The following TTBK1 variants were observed in gnomAD, a reference collection of about 807,000 sequenced individuals.
The protein encoded by TTBK1 is tau tubulin kinase 1, also known as tau-tubulin kinase 1.
Under a neutral mutation model 108.5 loss-of-function variants are expected in TTBK1, and 34 were observed. That is an observed-to-expected ratio of 0.31 (90% CI 0.24 to 0.42). The LOEUF (loss-of-function observed/expected upper bound fraction) is 0.42. Ranked by LOEUF, TTBK1 falls within the 10% of genes least tolerant of loss-of-function variation. The pLI is 1.00. For missense variants in TTBK1, 1,539 were observed against 1,826.0 expected (o/e 0.84, Z 2.86); for synonymous variants, 809 against 795.1 (o/e 1.02, Z -0.29).
In TTBK1 at chr6:43,269,738, G is replaced by C. The variant is rs1777774104; in HGVS notation, c.1986+6388G>C. The C allele has an allele frequency of 6.2e-7, 1 of 1,608,232 alleles. No homozygotes were observed. Among genetic ancestry groups the C allele is most frequent in the South Asian group, 1.1e-5 (1 of 90,892 alleles). ...TGTTCTCCTCCTCCACGCTGGAGAC[G>C]GAGCATTACCCTCACCCCGGCGGCG... On this transcript the variant is annotated intron_variant, in intron 13 of 14. Transcript: ENST00000259750. The surrounding 1 kb of genome is among the most constrained non-coding windows in gnomAD (Gnocchi z 4.8).
chr6:43,273,806 T>G lies in TTBK1; in HGVS notation c.1987-8921T>G, dbSNP rs184812296. On this transcript the variant is annotated intron_variant, in intron 13 of 14. Coordinates refer to ENST00000259750, the MANE Select transcript of TTBK1 (RefSeq NM_032538.3). This position sits in a 1 kb window ranked among gnomAD's most constrained non-coding sequence, Gnocchi z 4.2. The stretch of plus-strand genomic sequence containing the variant: ...AATTTTAAAAAGAAAAATCACTGTA[T>G]GAACCAAACCAAAATGGTTTACAGG... Among the ~76,000 whole-genome samples the G allele has an allele frequency of 6.6e-6, 1 of 152,324 alleles. No individual in the cohort carries two copies. The highest frequency in any genetic ancestry group is 1.9e-4 in the East Asian group (1 of 5,188).
rs1778252084 is a variant in TTBK1, at chr6:43,283,504, C to T, written c.2764C>T (p.Pro922Ser). The T allele has an allele frequency of 6.2e-7, 1 of 1,614,158 alleles. No homozygotes were observed. Among genetic ancestry groups the T allele is most frequent in the Non-Finnish European group, 8.5e-7 (1 of 1,179,986 alleles). Residue 922 changes from proline to serine, a missense_variant, in exon 14 of 15, where the codon CCC (proline) becomes TCC (serine). Physicochemically the swap from Pro to Ser is moderately conservative, Grantham distance 74 (BLOSUM62 -1). Transcript: ENST00000259750. This position sits in a 1 kb window ranked among gnomAD's most constrained non-coding sequence, Gnocchi z 8.1. The part of the protein sequence containing the change: ...GVGGVAVTSS[P>S]FTKVERTFVH... ...CGGGGGCGTGGCAGTCACCTCCTCA[C>T]CCTTCACCAAAGTTGAGAGGACCTT...
chr6:43,276,872 T>A lies in TTBK1; in HGVS notation c.1987-5855T>A, dbSNP rs1778014098. ...CTGGGTGAGGAGGGCACCCCAGAGGTTTGGGCCTAGTTGGACTTGAGTCAC... is the reference window on the plus strand; with the variant it reads ...CTGGGTGAGGAGGGCACCCCAGAGGATTGGGCCTAGTTGGACTTGAGTCAC... On this transcript the variant is annotated intron_variant, in intron 13 of 14. Coordinates refer to ENST00000259750, the MANE Select transcript of TTBK1 (RefSeq NM_032538.3). This position sits in a 1 kb window ranked among gnomAD's most constrained non-coding sequence, Gnocchi z 5.4. Among the ~76,000 whole-genome samples the A allele has an allele frequency of 1.3e-5, 2 of 151,980 alleles. No individual in the cohort carries two copies. The highest frequency in any genetic ancestry group is 4.2e-4 in the South Asian group (2 of 4,808).
chr6:43,270,535 G>A, intron 13 of TTBK1: 2 of 986,128 alleles, frequency 2.0e-6, no homozygotes, highest in Non-Finnish European at 2.4e-6. Flanking sequence ...GTGATCGGGG[G>A]AGGAGCCCTG....
In TTBK1 at chr6:43,269,908, C is replaced by T; in HGVS notation, c.1986+6558C>T. On this transcript the variant is annotated intron_variant, in intron 13 of 14. Coordinates refer to ENST00000259750, the MANE Select transcript of TTBK1 (RefSeq NM_032538.3). This position sits in a 1 kb window ranked among gnomAD's most constrained non-coding sequence, Gnocchi z 4.8. ...CCCTCGGTGCTCCGCATCTCGCGGTCCCAGCTGCAGCAGGTGTGGGCCCGG... is the reference window on the plus strand; with the variant it reads ...CCCTCGGTGCTCCGCATCTCGCGGTTCCAGCTGCAGCAGGTGTGGGCCCGG... 6.6e-7 allele frequency: 1 copy of T among 1,505,964 alleles called. No individual in the cohort carries two copies. The highest frequency in any genetic ancestry group is 8.8e-7 in the Non-Finnish European group (1 of 1,130,218). 93.3% of individuals were successfully genotyped at this position (1,505,964 alleles called of 1,614,324 possible).
At chr6:43,249,679 C>G (rs1777187181) in intron 2 of TTBK1, among the ~76,000 whole-genome samples, 1 of 151,780 alleles carries the variant, frequency 6.6e-6, no homozygotes, top group African/African-American at 2.4e-5. Context: ...CAGATTCAAG[C>G]AATTCTTATG....
chr6:43,267,099 G>A (rs563144481), intron 13 of TTBK1, among the ~76,000 whole-genome samples: 1 of 150,566 alleles, frequency 6.6e-6, no homozygotes, highest in East Asian at 2.0e-4. Flanking sequence ...TGTGCCTGTG[G>A]CCATGTCAGT....
At chr6:43,270,694 C>G (rs1777808465) in intron 13 of TTBK1, 1 of 985,362 alleles carries the variant, frequency 1.0e-6, no homozygotes, top group African/African-American at 1.7e-5. Context: ...GGTGTCTGTC[C>G]TCGGCTCCTC....
At position 43,263,437 on chromosome 6, in the gene TTBK1, C is replaced by A; in HGVS notation, c.1986+87C>A. ...CTGGGGTGCTCCATGTGTGCTGGCA[C>A]TACTGACCAGTAAGCCAGCAGTCAC... is the stretch of plus-strand genomic sequence containing the variant. On this transcript the variant is annotated intron_variant, in intron 13 of 14. Coordinates refer to ENST00000259750, the MANE Select transcript of TTBK1 (RefSeq NM_032538.3). The surrounding 1 kb of genome is among the most constrained non-coding windows in gnomAD (Gnocchi z 4.7). 8.0e-7 allele frequency: 1 copy of A among 1,256,188 alleles called. No homozygotes were observed. Among genetic ancestry groups the A allele is most frequent in the Non-Finnish European group, 1.1e-6 (1 of 944,770 alleles). 77.8% of individuals were successfully genotyped at this position (1,256,188 alleles called of 1,614,324 possible).
intron 13 of TTBK1, among the ~76,000 whole-genome samples, chr6:43,278,339 G>A (rs1778064421): frequency 6.6e-6 from 1 of 152,168 alleles, no homozygotes; most frequent in Non-Finnish European, 1.5e-5. Flanking sequence ...AGTGCATGGA[G>A]GGGAGGGGCT....
rs1163041084 is a variant in TTBK1, at chr6:43,263,643, C to T, written c.1986+293C>T. 6.6e-6 allele frequency among the ~76,000 whole-genome samples: 1 copy of T among 152,112 alleles called. No homozygotes were observed. Among genetic ancestry groups the T allele is most frequent in the Non-Finnish European group, 1.5e-5 (1 of 68,012 alleles). Reference sequence around the variant, plus strand: ...CACGGGCACAGTGTTTTGCACAGGCCGGGAGGGGGCGATCTGAGAACACTG... The same window carrying T: ...CACGGGCACAGTGTTTTGCACAGGCTGGGAGGGGGCGATCTGAGAACACTG... On this transcript the variant is annotated intron_variant, in intron 13 of 14. Transcript: ENST00000259750. The surrounding 1 kb of genome is among the most constrained non-coding windows in gnomAD (Gnocchi z 4.7).
In TTBK1 at chr6:43,263,045, C is replaced by T. The variant is rs1291663254; in HGVS notation, c.1681C>T (p.Pro561Ser). 1 of 1,590,890 alleles carries T rather than the reference C, an allele frequency of 6.3e-7. No individual in the cohort carries two copies. The highest frequency in any genetic ancestry group is 8.6e-7 in the Non-Finnish European group (1 of 1,169,120). Residue 561 changes from proline to serine, a missense_variant, in exon 13 of 15, where the codon CCC (proline) becomes TCC (serine). Physicochemically the swap from Pro to Ser is moderately conservative, Grantham distance 74 (BLOSUM62 -1). Around this residue, in one of 5 missense-constraint regions of TTBK1, gnomAD observed 1,055 missense variants for 1,086.5 expected, o/e 0.97. Transcript: ENST00000259750. The surrounding 1 kb of genome is among the most constrained non-coding windows in gnomAD (Gnocchi z 4.7). ...ELKDFPPGAE[P>S]STSGTTDEEP... is the part of the protein sequence containing the mutation. ...CAAGGACTTCCCTCCAGGGGCTGAG[C>T]CCAGCACATCGGGCACCACGGATGA...
In TTBK1 at chr6:43,282,653, T is replaced by C; in HGVS notation, c.1987-74T>C. On this transcript the variant is annotated intron_variant, in intron 13 of 14. Coordinates refer to ENST00000259750, the MANE Select transcript of TTBK1 (RefSeq NM_032538.3). This position sits in a 1 kb window ranked among gnomAD's most constrained non-coding sequence, Gnocchi z 5.4. ...CTGGGCCTGTGAGTCTCCTAGGTTG[T>C]GGGTGCAGCTGAAGTCTTCCTGGGC... 7.8e-7 allele frequency: 1 copy of C among 1,285,802 alleles called. No homozygotes were observed. The highest frequency in any genetic ancestry group is 1.5e-5 in the African/African-American group (1 of 67,032). 79.6% of individuals were successfully genotyped at this position (1,285,802 alleles called of 1,614,324 possible).
rs774345522 is a variant in TTBK1, at chr6:43,257,892, C to T, written c.942C>T (p.Gly314=). ...AGGCCTTTGACTGGGAGAAGGCAGG[C>T]ACCGATGCCCTCCTGTCCACGAGCA... is the stretch of plus-strand genomic sequence containing the variant. ...ENEAFDWEKA[G]TDALLSTSTS... Residue 314 remains glycine, a synonymous_variant, in exon 10 of 15, where the codon GGC becomes GGT. Coordinates refer to ENST00000259750, the MANE Select transcript of TTBK1 (RefSeq NM_032538.3). The surrounding 1 kb of genome is among the most constrained non-coding windows in gnomAD (Gnocchi z 4.5). 8.1e-6 allele frequency: 13 copies of T among 1,614,024 alleles called. No individual in the cohort carries two copies. The highest frequency in any genetic ancestry group is 1.1e-5 in the Non-Finnish European group (13 of 1,180,000).
chr6:43,260,671 G>A (rs2150693092), intron 12 of TTBK1, among the ~76,000 whole-genome samples: 1 of 152,270 alleles, frequency 6.6e-6, no homozygotes, highest in South Asian at 2.1e-4. Flanking sequence ...GAAGAGAGGT[G>A]GGAAATGCCT....
At chr6:43,260,705 T>C (rs1349448878) in intron 12 of TTBK1, among the ~76,000 whole-genome samples, 2 of 152,190 alleles carry the variant, frequency 1.3e-5, no homozygotes, top group Admixed American at 1.3e-4. Context: ...CCTGAAGGGC[T>C]GCCTGCTTTT....
At position 43,259,731 on chromosome 6, in the gene TTBK1, T is replaced by C. The variant is rs773645536; in HGVS notation, c.1424+25T>C. 19 of 1,538,866 alleles carry C rather than the reference T, an allele frequency of 1.2e-5. No homozygotes were observed. The East Asian group carries it at 4.0e-4, about 33-fold the overall frequency. ...GGTGGGTCTGGGGCCAGGGGCATGG[T>C]TGGGGCCCAAGGCCCTCTCCGCCTT... On this transcript the variant is annotated intron_variant, in intron 12 of 14. Coordinates refer to ENST00000259750, the MANE Select transcript of TTBK1 (RefSeq NM_032538.3). The surrounding 1 kb of genome is among the most constrained non-coding windows in gnomAD (Gnocchi z 6.7).
intron 1 of TTBK1, among the ~76,000 whole-genome samples, chr6:43,245,133 C>T (rs538485893): frequency 6.6e-6 from 1 of 152,290 alleles, no homozygotes; most frequent in East Asian, 1.9e-4. Flanking sequence ...CCCACCCTGT[C>T]CCCTATGGCA....
At position 43,263,239 on chromosome 6, in the gene TTBK1, C is replaced by T. The variant is rs747114986; in HGVS notation, c.1875C>T (p.Gly625=). The change falls in exon 13 of 15, where the codon GGC becomes GGT. Residue 625 remains glycine, a synonymous_variant. Transcript: ENST00000259750. This position sits in a 1 kb window ranked among gnomAD's most constrained non-coding sequence, Gnocchi z 4.7. ...PLPPQLSQGD[G]RSETSQPPTP... ...CACCCCAGCTGAGCCAGGGCGATGG[C>T]CGTTCCGAGACGTCACAGCCCCCCA... The T allele has an allele frequency of 6.4e-7, 1 of 1,566,562 alleles. No individual in the cohort carries two copies. Among genetic ancestry groups the T allele is most frequent in the East Asian group, 2.3e-5 (1 of 42,796 alleles).
Sources: gnomAD v4.1 joint callset for allele counts (sites outside exome capture counted in the v4.1 genomes callset) on GRCh38, gnomAD v4.1.1 for gene constraint, gnomAD v4.1.1 regional missense constraint, Gnocchi (gnomAD v3.1) non-coding constraint, MANE v1.5 for transcripts, NCBI Gene and HGNC (gene_info 2026-07-23, HGNC 2026-07-21) for gene names.